The following NFATC2 variants were observed in gnomAD, a reference collection of about 807,000 sequenced individuals.
NFATC2 encodes nuclear factor of activated T cells 2.
In NFATC2, 22 loss-of-function variants were observed where a neutral mutation model predicts 87.3. That is an observed-to-expected ratio of 0.25 (90% confidence interval 0.18 to 0.36). The LOEUF is 0.36. Among genes scored for constraint, NFATC2 ranks in the 10% least tolerant of loss-of-function variants. The probability of loss-of-function intolerance (pLI) is 1.00; values close to 1 mark genes in which losing one functional copy is unlikely to be tolerated. For synonymous variants in NFATC2, 565 were observed against 542.2 expected, an observed-to-expected ratio of 1.04 and a Z score of -0.58; for missense variants, 1,149 against 1,259.1, an observed-to-expected ratio of 0.91 and a Z score of 1.32.
intron 3 of NFATC2, among the ~76,000 whole-genome samples, chr20:51,490,636 C>A (rs2146581008): frequency 6.6e-6 from 1 of 152,164 alleles, no homozygotes; most frequent in African/African-American, 2.4e-5. Flanking sequence ...TGCATAAATA[C>A]ACAATGAAAT....
At chr20:51,534,570 G>A (rs2076688967) in intron 1 of NFATC2, among the ~76,000 whole-genome samples, 1 of 152,178 alleles carries the variant, frequency 6.6e-6, no homozygotes, top group Admixed American at 6.5e-5. Context: ...CCTGACCTTA[G>A]GTGATCCACC....
chr20:51,522,968 T>G, intron 2 of NFATC2, 113 bp downstream of exon 2: 1 of 1,427,754 alleles, frequency 7.0e-7, no homozygotes, highest in Non-Finnish European at 9.5e-7. Context: ...AAGCCAAGAT[T>G]TAAATCCATT....
chr20:51,404,465 G>A (rs1407325277), intron 9 of NFATC2, among the ~76,000 whole-genome samples: 1 of 152,228 alleles, frequency 6.6e-6, no homozygotes, highest in Non-Finnish European at 1.5e-5. Flanking sequence ...TTGGGAATCA[G>A]AGCCAATCTT....
intron 5 of NFATC2, among the ~76,000 whole-genome samples, chr20:51,469,254 C>T (rs1029774921): frequency 6.6e-6 from 1 of 152,138 alleles, no homozygotes; most frequent in Admixed American, 6.5e-5. Context: ...TGAGCTCAAG[C>T]GATCGTCCGG....
intron 3 of NFATC2, among the ~76,000 whole-genome samples, chr20:51,482,668 A>G (rs1378400970): frequency 2.6e-5 from 4 of 152,214 alleles, no homozygotes; most frequent in Non-Finnish European, 2.9e-5. Context: ...GTTTGGTGGT[A>G]AAAACACTTC....
intron 9 of NFATC2, among the ~76,000 whole-genome samples, chr20:51,415,153 G>A (rs990483036): frequency 7.3e-5 from 11 of 151,456 alleles, no homozygotes; most frequent in African/African-American, 2.7e-4. Flanking sequence ...AGCTGAGGTG[G>A]GAGGATCACT....
At chr20:51,545,216 C>T (rs182310172), upstream of NFATC2, among the ~76,000 whole-genome samples, 9 of 152,322 alleles carry the variant, frequency 5.9e-5, no homozygotes, top group Admixed American at 1.3e-4. Context: ...CATCCTTTCT[C>T]GTCCCTCCAT....
rs1026655964 is a variant in NFATC2 at position 51,480,341 on chromosome 20, G to C, written c.1333-4681C>G. Among the ~76,000 whole-genome samples the C allele has an allele frequency of 1.3e-5, 2 of 152,178 alleles. No individual in the cohort carries two copies. Among genetic ancestry groups the C allele is most frequent in the Admixed American group, 6.5e-5 (1 of 15,276 alleles). ...ACAGGAGAGAGAGTGGGGCAGGAAG[G>C]AGGGAGAAAAGAAGGGGCACAGAGG... On this transcript the variant is annotated intron_variant, in intron 3 of 10. Transcript: ENST00000371564. The surrounding 1 kb of genome is among the most constrained non-coding windows in gnomAD (Gnocchi z 4.2).
At chr20:51,508,771 GTC>G (rs755106676) in intron 3 of NFATC2, among the ~76,000 whole-genome samples, 5 of 152,074 alleles carry the variant, frequency 3.3e-5, no homozygotes, top group African/African-American at 4.8e-5. Flanking sequence ...CTTGCAGCCA[GTC>G]TCAAAAAAAT....
intron 3 of NFATC2, among the ~76,000 whole-genome samples, chr20:51,498,175 T>C (rs1325305169): frequency 6.6e-6 from 1 of 152,136 alleles, no homozygotes; most frequent in Non-Finnish European, 1.5e-5. Context: ...TTCCTTCCTC[T>C]GCTTCCTTTA....
chr20:51,432,388 A>G lies in NFATC2; in HGVS notation c.2401T>C (p.Ser801Pro). The G allele has an allele frequency of 6.2e-7, 1 of 1,609,682 alleles. No homozygotes were observed. The highest frequency in any genetic ancestry group is 8.5e-7 in the Non-Finnish European group (1 of 1,177,726). ...QGQSSALLHP[S>P]PTNQQASPVI... is the part of the protein sequence containing the mutation. ...GGCGAGGCCTGCTGGTTGGTCGGAG[A>G]GGGGTGGAGCAGGGCTGAGCTCTGG... The change falls in exon 9 of 11, where the codon TCT (serine) becomes CCT (proline). Residue 801 changes from serine to proline, a missense_variant. Ser to Pro is a moderately conservative substitution (Grantham distance 74, BLOSUM62 -1). This residue lies in a region of NFATC2 where 581 missense variants were observed against 649.7 expected (regional missense o/e 0.89). Coordinates refer to ENST00000371564, the MANE Select transcript of NFATC2 (RefSeq NM_012340.5). The surrounding 1 kb of genome is among the most constrained non-coding windows in gnomAD (Gnocchi z 4.6).
At position 51,523,829 on chromosome 20, in the gene NFATC2, C is replaced by A; in HGVS notation, c.412G>T (p.Glu138Ter). ...LRMRDAGLLV[E>*]QPPLAGVAAS... ...GCCACCCCGGCCAGGGGCGGCTGCTCCACCAGGAGGCCCGCGTCTCTCATG... is the reference window on the plus strand; with the variant it reads ...GCCACCCCGGCCAGGGGCGGCTGCTACACCAGGAGGCCCGCGTCTCTCATG... The change falls in exon 2 of 11, where the codon GAG (glutamate) becomes TAG (stop). Residue 138 changes from glutamate to a stop codon, truncating the protein, a stop_gained. Coordinates refer to ENST00000371564, the MANE Select transcript of NFATC2 (RefSeq NM_012340.5). LOFTEE classifies it high-confidence loss of function. The surrounding 1 kb of genome is among the most constrained non-coding windows in gnomAD (Gnocchi z 6.9). 1.9e-6 allele frequency: 3 copies of A among 1,610,374 alleles called. No individual in the cohort carries two copies. The highest frequency in any genetic ancestry group is 1.7e-6 in the Non-Finnish European group (2 of 1,178,428).
At position 51,542,458 on chromosome 20, in the gene NFATC2, G is replaced by T; in HGVS notation, c.42C>A (p.Asp14Glu). The T allele has an allele frequency of 6.4e-7, 1 of 1,571,158 alleles. No individual in the cohort carries two copies. Among genetic ancestry groups the T allele is most frequent in the Non-Finnish European group, 8.6e-7 (1 of 1,162,886 alleles). ...TGCCCCCAGGCTCGTGGCCTGGGGCGTCCCCGCCGTCGGGTTGGGGCTGCC... is the reference window on the plus strand; with the variant it reads ...TGCCCCCAGGCTCGTGGCCTGGGGCTTCCCCGCCGTCGGGTTGGGGCTGCC... ...PERQPQPDGG[D>E]APGHEPGGSP... The change falls in exon 1 of 11, where the codon GAC becomes GAA. Residue 14 changes from aspartate to glutamate, a missense_variant. Around this residue, in one of 3 missense-constraint regions of NFATC2, gnomAD observed 563 missense variants for 585.2 expected, o/e 0.96. Transcript: ENST00000371564.
At chr20:51,402,737 C>A (rs1400323804) in intron 9 of NFATC2, among the ~76,000 whole-genome samples, 2 of 152,198 alleles carry the variant, frequency 1.3e-5, no homozygotes, top group Non-Finnish European at 2.9e-5. Flanking sequence ...GTCAGACACT[C>A]CCAGGTGGAT....
intron 3 of NFATC2, among the ~76,000 whole-genome samples, chr20:51,496,963 G>A (rs758113962): frequency 6.6e-6 from 1 of 152,232 alleles, no homozygotes; most frequent in Non-Finnish European, 1.5e-5. Flanking sequence ...GCCCTGGAAG[G>A]CCCCAGGCAG....
At chr20:51,561,273 G>A (rs1275279535) in intron 1 of NFATC2, among the ~76,000 whole-genome samples, 1 of 148,186 alleles carries the variant, frequency 6.7e-6, no homozygotes, top group East Asian at 2.0e-4. Context: ...GAGGTCTGCC[G>A]TGGCAAAGCA....
intron 5 of NFATC2, among the ~76,000 whole-genome samples, chr20:51,464,137 T>G (rs1397528327): frequency 6.6e-6 from 1 of 152,186 alleles, no homozygotes; most frequent in African/African-American, 2.4e-5. Context: ...TTCAGACTCC[T>G]GCAGTGACAG....
intron 5 of NFATC2, among the ~76,000 whole-genome samples, chr20:51,472,451 T>G (rs1316729527): frequency 1.3e-5 from 2 of 152,002 alleles, no homozygotes; most frequent in Non-Finnish European, 2.9e-5. Context: ...GAAGTTGATA[T>G]TGTGACACCT....
At chr20:51,415,615 C>T (rs945977695) in intron 9 of NFATC2, among the ~76,000 whole-genome samples, 5 of 152,180 alleles carry the variant, frequency 3.3e-5, no homozygotes, top group African/African-American at 1.2e-4. Context: ...GCTGGGCCAG[C>T]ACACCTCTAA....
Sources: gnomAD v4.1 joint callset for allele counts (sites outside exome capture counted in the v4.1 genomes callset) on GRCh38, gnomAD v4.1.1 for gene constraint, gnomAD v4.1.1 regional missense constraint, Gnocchi (gnomAD v3.1) non-coding constraint, MANE v1.5 for transcripts, NCBI Gene and HGNC (gene_info 2026-07-23, HGNC 2026-07-21) for gene names.